ZNF445: variants seen among roughly 807,000 people sequenced by gnomAD.
The protein encoded by ZNF445 is zinc finger protein 168.
ZNF445 carries 19 observed loss-of-function variants against 93.9 expected under a neutral mutation model. The ratio of observed to expected loss-of-function variants is 0.20; its 90% CI spans 0.14 to 0.30. The LOEUF (loss-of-function observed/expected upper bound fraction) is 0.30, where lower values mean the gene tolerates loss of function less well. Among genes scored for constraint, ZNF445 ranks in the 10% least tolerant of loss-of-function variants. ZNF445 has a pLI of 1.00. For synonymous variants in ZNF445, 449 were observed against 446.3 expected (o/e 1.01, Z -0.08); for missense variants, 1,058 against 1,259.4 (o/e 0.84, Z 2.42).
intron 1 of ZNF445, among the ~76,000 whole-genome samples, chr3:44,460,171 A>G (rs185502145): frequency 7.5e-4 from 115 of 152,344 alleles, no homozygotes; most frequent in Non-Finnish European, 1.1e-3. Flanking sequence ...AATAGGCCTA[A>G]AGAAAAGTGA....
chr3:44,465,091 G>A (rs1460568146), intron 1 of ZNF445, among the ~76,000 whole-genome samples: 1 of 145,328 alleles, frequency 6.9e-6, no homozygotes. Flanking sequence ...AAAAAAAATC[G>A]CTTACTTATC....
chr3:44,463,558 T>C (rs771980017), intron 1 of ZNF445, among the ~76,000 whole-genome samples: 2 of 152,212 alleles, frequency 1.3e-5, no homozygotes, highest in Non-Finnish European at 2.9e-5. Context: ...TCTGATGGTT[T>C]TGAGTTTTGG....
chr3:44,466,446 C>T (rs896221293), intron 1 of ZNF445, among the ~76,000 whole-genome samples: 6 of 152,284 alleles, frequency 3.9e-5, no homozygotes, highest in East Asian at 1.9e-4. Context: ...CTTTGGTCTA[C>T]ATTTGTGTAA....
chr3:44,452,935 G>A (rs62251374), intron 3 of ZNF445, among the ~76,000 whole-genome samples: 1 of 144,496 alleles, frequency 6.9e-6, no homozygotes, highest in Non-Finnish European at 1.5e-5. Flanking sequence ...TTTTTTTTCG[G>A]ACATAGTCTT....
intron 5 of ZNF445, 65 bp downstream of exon 5, chr3:44,450,803 G>T: frequency 7.3e-7 from 1 of 1,374,804 alleles, no homozygotes; most frequent in Non-Finnish European, 9.8e-7. Context: ...GGATGGGGAA[G>T]CTGCACTATC....
rs1287956194 is a variant in ZNF445, at chr3:44,444,814, C to A, written c.*1761G>T. On this transcript the variant is annotated 3_prime_UTR_variant, in exon 8 of 8. Transcript: ENST00000396077. ...CATACTCTACTGAAAAAGACATCTT[C>A]CAGGTTGGTTTCTTCTCATTTCAAG... The A allele has an allele frequency of 6.6e-6, 1 of 152,174 alleles. No individual in the cohort carries two copies. Among genetic ancestry groups the A allele is most frequent in the Non-Finnish European group, 1.5e-5 (1 of 68,048 alleles). The allele number at this position is 152,174 out of a possible 1,614,324, so 9.4% of individuals were successfully genotyped here. A position where few individuals can be genotyped will look rare whatever the true frequency, so the allele number is the denominator to read the frequency against.
chr3:44,432,062 CAT>C lies in ZNF445; in HGVS notation c.*14511_*14512del, dbSNP rs1453488831. On this transcript the variant is annotated 3_prime_UTR_variant, in exon 8 of 8. Coordinates refer to ENST00000396077, the MANE Select transcript of ZNF445 (RefSeq NM_181489.6). ...AGGCATGAGCCACTGCACGTGGCTA[CAT>C]GTTTTGTATTTTTAGTAGAGACGGG... 6.6e-6 allele frequency: 1 copy of C among 152,064 alleles called. No homozygotes were observed. The highest frequency in any genetic ancestry group is 1.5e-5 in the Non-Finnish European group (1 of 68,040). The allele number at this position is 152,064 out of a possible 1,614,324, so 9.4% of individuals were successfully genotyped here.
intron 3 of ZNF445, 115 bp downstream of exon 3, chr3:44,455,006 A>C: frequency 7.7e-7 from 1 of 1,298,538 alleles, no homozygotes; most frequent in Non-Finnish European, 1.1e-6. Flanking sequence ...GAAGAAAGGA[A>C]GGCTTCCCCT....
intron 1 of ZNF445, among the ~76,000 whole-genome samples, chr3:44,470,538 T>C (rs1045002156): frequency 6.6e-6 from 1 of 152,108 alleles, no homozygotes; most frequent in African/African-American, 2.4e-5. Flanking sequence ...GAAAAGAAAA[T>C]TGAAAAGCAA....
At chr3:44,451,108 G>C in intron 4 of ZNF445, 146 bp from the exon 5 acceptor site, 1 of 1,008,570 alleles carries the variant, frequency 9.9e-7, no homozygotes, top group Non-Finnish European at 1.5e-6. Flanking sequence ...TCAGTCTACT[G>C]GGGCCAGGAA....
rs1697769502 is a variant in ZNF445 at position 44,439,680 on chromosome 3, T to C, written c.*6895A>G. 1 of 152,296 alleles carries C rather than the reference T, an allele frequency of 6.6e-6. No individual in the cohort carries two copies. The highest frequency in any genetic ancestry group is 6.5e-5 in the Admixed American group (1 of 15,286). 9.4% of individuals were successfully genotyped at this position (152,296 alleles called of 1,614,324 possible). On this transcript the variant is annotated 3_prime_UTR_variant, in exon 8 of 8. Transcript: ENST00000396077. ...TAGCCACGTCTCTTTGTTCCTGCTT[T>C]GCACTTTGCTCCACATGAGGTGGGA...
rs532575681 is a variant in ZNF445 at position 44,437,757 on chromosome 3, T to A, written c.*8818A>T. Reference sequence around the variant, plus strand: ...TTTGGGGTTGGGGGGATTTCTTCAGTATCATCCTTTCTGTGGTTTGCCAGA... The same window carrying A: ...TTTGGGGTTGGGGGGATTTCTTCAGAATCATCCTTTCTGTGGTTTGCCAGA... On this transcript the variant is annotated 3_prime_UTR_variant, in exon 8 of 8. Transcript: ENST00000396077. 1.3e-5 allele frequency: 2 copies of A among 152,346 alleles called. No homozygotes were observed. Among genetic ancestry groups the A allele is most frequent in the Admixed American group, 1.3e-4 (2 of 15,292 alleles). 9.4% of individuals were successfully genotyped at this position (152,346 alleles called of 1,614,324 possible). A position where few individuals can be genotyped will look rare whatever the true frequency, so the allele number is the denominator to read the frequency against.
In ZNF445 at chr3:44,448,578, A is replaced by T; in HGVS notation, c.1093T>A (p.Cys365Ser). The part of the protein sequence containing the change: ...FQQKSRQKDQ[C>S]ENPIQVRVKK... ...ACTCTTACTTGTATGGGATTTTCAC[A>T]TTGATCCTTCTGCCTGCTCTTCTGT... The change falls in exon 8 of 8, where the codon TGT (cysteine) becomes AGT (serine). Residue 365 changes from cysteine (C) to serine (S), a missense_variant. By Grantham distance (112) the Cys-to-Ser change is moderately radical. Coordinates refer to ENST00000396077, the MANE Select transcript of ZNF445 (RefSeq NM_181489.6). The T allele has an allele frequency of 6.2e-7, 1 of 1,614,104 alleles. No individual in the cohort carries two copies. The highest frequency in any genetic ancestry group is 8.5e-7 in the Non-Finnish European group (1 of 1,180,040).
Position 44,442,729 on chromosome 3 carries a change from G to A in ZNF445, c.*3846C>T, listed in dbSNP as rs1332090143. On this transcript the variant is annotated 3_prime_UTR_variant, in exon 8 of 8. Transcript: ENST00000396077. ...CAGGCCAGGATGAGATGCAAGATGA[G>A]ACCTGGTGCTCAGGGCAATCAGAAA... 6.6e-6 allele frequency: 1 copy of A among 152,218 alleles called. No individual in the cohort carries two copies. Among genetic ancestry groups the A allele is most frequent in the Non-Finnish European group, 1.5e-5 (1 of 68,088 alleles). The allele number at this position is 152,218 out of a possible 1,614,324, so 9.4% of individuals were successfully genotyped here. A position where few individuals can be genotyped will look rare whatever the true frequency, so the allele number is the denominator to read the frequency against.
At chr3:44,474,285 T>G (rs1020760556) in intron 1 of ZNF445, among the ~76,000 whole-genome samples, 1 of 151,888 alleles carries the variant, frequency 6.6e-6, no homozygotes, top group Non-Finnish European at 1.5e-5. Flanking sequence ...GAGGCTGAGG[T>G]GGGCAGATCA....
Position 44,447,304 on chromosome 3 carries a change from T to A in ZNF445, c.2367A>T (p.Pro789=). The A allele has an allele frequency of 6.2e-7, 1 of 1,614,200 alleles. No homozygotes were observed. ...CTTTCCCACACTCCCTGCACTTATA[T>A]GGCTTCTCTCCAGTGTGAACTCTCT... ...IHQRVHTGEK[P]YKCRECGKAF... is the part of the protein sequence containing the mutation. Residue 789 remains proline (P), a synonymous_variant, in exon 8 of 8, where the codon CCA becomes CCT. Transcript: ENST00000396077. The surrounding 1 kb of genome is among the most constrained non-coding windows in gnomAD (Gnocchi z 4.7).
chr3:44,451,431 G>A lies in ZNF445; in HGVS notation c.481C>T (p.Leu161=). The A allele has an allele frequency of 6.2e-7, 1 of 1,614,052 alleles. No individual in the cohort carries two copies. Among genetic ancestry groups the A allele is most frequent in the Non-Finnish European group, 8.5e-7 (1 of 1,179,968 alleles). Residue 161 remains leucine, a synonymous_variant, in exon 4 of 8, where the codon CTG becomes TTG. Transcript: ENST00000396077. ...AGGGACCATATCTGTGCAGATCGCA[G>A]GGCTCCTGTACCCATCCAATGCACA... is the stretch of plus-strand genomic sequence containing the variant. ...PDVHWMGTGA[L]RSAQIWSLAS...
Position 44,432,273 on chromosome 3 carries a change from CTGTG to C in ZNF445, c.*14298_*14301del, listed in dbSNP as rs781032930. On this transcript the variant is annotated 3_prime_UTR_variant, in exon 8 of 8. Transcript: ENST00000396077. ...TCTACACTCATTTGTGTGTGTGTGTCTGTGTGTGTGTGTGTGTGTGTGTGTGTGT... is the reference window on the plus strand; with the variant it reads ...TCTACACTCATTTGTGTGTGTGTGTCTGTGTGTGTGTGTGTGTGTGTGTGT... The C allele has an allele frequency of 0.035, 4,874 of 140,610 alleles. 128 individuals carry two copies. Among genetic ancestry groups the C allele is most frequent in the Admixed American group, 0.07 (989 of 14,162 alleles). The allele number at this position is 140,610 out of a possible 1,614,324, so 8.7% of individuals were successfully genotyped here.
rs552718419 is a variant in ZNF445, at chr3:44,449,582, C to A, written c.862G>T (p.Ala288Ser). Residue 288 changes from alanine (A) to serine (S), a missense_variant, in exon 7 of 8, where the codon GCA (alanine) becomes TCA (serine). Ala to Ser is a moderately conservative substitution (Grantham distance 99). Coordinates refer to ENST00000396077, the MANE Select transcript of ZNF445 (RefSeq NM_181489.6). ...ATGTTCAGGCCCCATGGCTCCCTTG[C>A]TTCCAACCAGGAGATCAGAGCAGGT... ...TKPALISWLEAREPWGLNMQA... is the reference protein window; with the variant it reads ...TKPALISWLESREPWGLNMQA... The A allele has an allele frequency of 6.2e-7, 1 of 1,614,176 alleles. No individual in the cohort carries two copies. The highest frequency in any genetic ancestry group is 8.5e-7 in the Non-Finnish European group (1 of 1,180,020).
Sources: allele counts gnomAD v4.1 joint callset (sites outside exome capture counted in the v4.1 genomes callset), GRCh38; gene constraint gnomAD v4.1.1; non-coding constraint Gnocchi (gnomAD v3.1); transcripts MANE v1.5; gene names NCBI Gene and HGNC (gene_info 2026-07-23, HGNC 2026-07-21).